UCK2: variants seen among roughly 807,000 people sequenced by gnomAD.
UCK2 encodes the protein uridine-cytidine kinase 2.
A neutral mutation model predicts 30.8 loss-of-function variants in UCK2; 6 were observed. That is an observed-to-expected ratio of 0.19 (90% CI 0.11 to 0.38). The LOEUF is 0.38. Ranked by LOEUF, UCK2 falls within the 10% of genes least tolerant of loss-of-function variation. The pLI, the probability that UCK2 is intolerant of heterozygous loss-of-function variation, is 1.00. For synonymous variants in UCK2, 125 were observed against 133.6 expected (o/e 0.94, Z 0.45); for missense variants, 210 against 339.8 (o/e 0.62, Z 3.00).
intron 1 of UCK2, among the ~76,000 whole-genome samples, chr1:165,830,105 A>C (rs1224227266): frequency 6.6e-6 from 1 of 151,708 alleles, no homozygotes; most frequent in Non-Finnish European, 1.5e-5. Context: ...TGTTGGGCTC[A>C]AGTGATCCTC....
At chr1:165,876,360 T>C (rs929905546) in intron 1 of UCK2, among the ~76,000 whole-genome samples, 3 of 152,226 alleles carry the variant, frequency 2.0e-5, no homozygotes, top group African/African-American at 7.2e-5. Context: ...TAGTTTTACT[T>C]CTGAGTATTT....
intron 4 of UCK2, among the ~76,000 whole-genome samples, chr1:165,899,805 G>T (rs761830269): frequency 9.9e-5 from 15 of 152,164 alleles, no homozygotes; most frequent in Non-Finnish European, 2.1e-4. Context: ...GAGGAGAAGG[G>T]CCTTTCAGTG....
intron 1 of UCK2, among the ~76,000 whole-genome samples, chr1:165,841,487 G>T (rs1366984982): frequency 6.6e-6 from 1 of 152,080 alleles, no homozygotes; most frequent in Non-Finnish European, 1.5e-5. Context: ...CGCCTGGCCT[G>T]TACTACTTCT....
chr1:165,861,650 C>CAAAAAA (rs986990445), intron 1 of UCK2, among the ~76,000 whole-genome samples: 3 of 52,366 alleles, frequency 5.7e-5, no homozygotes, highest in East Asian at 5.6e-4. Flanking sequence ...AAAAAAAAAA[C>CAAAAAA]AAAAAAAAAC....
chr1:165,894,536 A>T (rs547951462), intron 3 of UCK2: 7 of 152,264 alleles, frequency 4.6e-5, no homozygotes, highest in African/African-American at 1.2e-4. Flanking sequence ...TTCTAGCTCC[A>T]CTTCAGACTC....
Position 165,827,868 on chromosome 1 carries a change from AC to A in UCK2, c.37del (p.Gln13SerfsTer11). On this transcript the variant is annotated frameshift_variant, in exon 1 of 7. Coordinates refer to ENST00000367879, the MANE Select transcript of UCK2 (RefSeq NM_012474.5). LOFTEE classifies it high-confidence loss of function. ...GACAGCGAGCAGACCCTGCAGAACC[AC>A]CAGCAGCCCAACGGCGGCGAGCCCT... ...AGDSEQTLQN[H>X]QQPNGGEPFL... 1 of 1,480,556 alleles carries A rather than the reference AC, an allele frequency of 6.8e-7. No homozygotes were observed. The highest frequency in any genetic ancestry group is 2.2e-5 in the Admixed American group (1 of 45,956). The allele number at this position is 1,480,556 out of a possible 1,614,324, so 91.7% of individuals were successfully genotyped here. A position where few individuals can be genotyped will look rare whatever the true frequency, so the allele number is the denominator to read the frequency against.
intron 1 of UCK2, among the ~76,000 whole-genome samples, chr1:165,839,125 A>G (rs1241493182): frequency 6.6e-6 from 1 of 152,172 alleles, no homozygotes; most frequent in African/African-American, 2.4e-5. Flanking sequence ...TCAAGCTCTT[A>G]AAGAACTGTC....
At chr1:165,835,759 C>T (rs1160922643) in intron 1 of UCK2, among the ~76,000 whole-genome samples, 3 of 152,122 alleles carry the variant, frequency 2.0e-5, no homozygotes, top group Non-Finnish European at 4.4e-5. Context: ...TCCACTTCCC[C>T]TGCAAAATAT....
At chr1:165,842,710 G>A (rs1305834961) in intron 1 of UCK2, among the ~76,000 whole-genome samples, 3 of 152,204 alleles carry the variant, frequency 2.0e-5, no homozygotes, top group African/African-American at 7.2e-5. Flanking sequence ...TGCTGCTGGA[G>A]TGATCTTTTA....
chr1:165,884,150 A>G (rs143947151), intron 1 of UCK2, among the ~76,000 whole-genome samples: 37 of 152,336 alleles, frequency 2.4e-4, no homozygotes, highest in Non-Finnish European at 5.1e-4. Flanking sequence ...TGACCCACAC[A>G]TAGTCCCAGA....
chr1:165,875,309 G>A lies in UCK2; in HGVS notation c.100-14895G>A, dbSNP rs748581289. ...AGAGTCAGGAATCAAGCCAGGTCCT[G>A]TGTGCCCTGCCCAGCCTGACTTTAA... On this transcript the variant is annotated intron_variant, in intron 1 of 6. Transcript: ENST00000367879. 1.8e-4 allele frequency among the ~76,000 whole-genome samples: 27 copies of A among 152,176 alleles called. 1 individual carries two copies. Among genetic ancestry groups the A allele is most frequent in the Non-Finnish European group, 5.9e-5 (4 of 68,032 alleles).
At chr1:165,861,717 T>C (rs1296084838) in intron 1 of UCK2, among the ~76,000 whole-genome samples, 2 of 145,892 alleles carry the variant, frequency 1.4e-5, no homozygotes, top group Non-Finnish European at 3.0e-5. Flanking sequence ...CCTGCTAAGA[T>C]AGGCATTCCC....
chr1:165,905,353 G>A (rs1483390038), intron 5 of UCK2, among the ~76,000 whole-genome samples: 1 of 152,012 alleles, frequency 6.6e-6, no homozygotes, highest in Non-Finnish European at 1.5e-5. Flanking sequence ...GTGTGGTGGC[G>A]GGTGCCTGTA....
In UCK2 at chr1:165,843,884, A is replaced by T. The variant is rs139807908; in HGVS notation, c.99+15952A>T. Among the ~76,000 whole-genome samples the T allele has an allele frequency of 9.3e-3, 1,419 of 152,230 alleles. 10 individuals carry two copies. Among genetic ancestry groups the T allele is most frequent in the South Asian group, 0.019 (93 of 4,830 alleles). On this transcript the variant is annotated intron_variant, in intron 1 of 6. Coordinates refer to ENST00000367879, the MANE Select transcript of UCK2 (RefSeq NM_012474.5). ...GATTCCACTGCCTTATTTTTTTCTTATATCACTAATACCATTTGAAATAAT... is the reference window on the plus strand; with the variant it reads ...GATTCCACTGCCTTATTTTTTTCTTTTATCACTAATACCATTTGAAATAAT...
At chr1:165,842,935 C>T (rs1654366336) in intron 1 of UCK2, among the ~76,000 whole-genome samples, 1 of 152,210 alleles carries the variant, frequency 6.6e-6, no homozygotes, top group African/African-American at 2.4e-5. Flanking sequence ...CTCACCTCCA[C>T]ACTAGTGCAC....
intron 3 of UCK2, 81 bp from the exon 4 acceptor site, chr1:165,896,109 A>G: frequency 1.3e-6 from 2 of 1,570,022 alleles, no homozygotes; most frequent in African/African-American, 2.7e-5. Context: ...AACCCAGCCC[A>G]GCCAGATGTT....
chr1:165,890,903 T>G, intron 2 of UCK2: 1 of 302,118 alleles, frequency 3.3e-6, no homozygotes, highest in Non-Finnish European at 6.3e-6. Flanking sequence ...ATGGGTTTGC[T>G]TTCCAGGTCA....
intron 1 of UCK2, among the ~76,000 whole-genome samples, chr1:165,860,842 C>G (rs1004180387): frequency 6.6e-6 from 1 of 152,078 alleles, no homozygotes; most frequent in Non-Finnish European, 1.5e-5. Flanking sequence ...TGGTCAACTC[C>G]AAGAGAGTAG....
chr1:165,893,584 T>C (rs1237750447), intron 3 of UCK2, among the ~76,000 whole-genome samples: 1 of 152,204 alleles, frequency 6.6e-6, no homozygotes, highest in East Asian at 1.9e-4. Context: ...AGCATCCTTT[T>C]CCCCATAAGC....
Sources: allele counts gnomAD v4.1 joint callset (sites outside exome capture counted in the v4.1 genomes callset), GRCh38; gene constraint gnomAD v4.1.1; transcripts MANE v1.5; gene names NCBI Gene and HGNC (gene_info 2026-07-23, HGNC 2026-07-21).